COPA: variants seen among roughly 807,000 people sequenced by gnomAD.
COPA encodes coatomer subunit alpha.
COPA carries 10 observed loss-of-function variants against 158.7 expected under a neutral mutation model. The observed-to-expected ratio is 0.06, with a 90% CI of 0.04 to 0.11. The LOEUF (loss-of-function observed/expected upper bound fraction) is 0.11. Ranked by LOEUF, COPA falls within the 10% of genes least tolerant of loss-of-function variation. COPA has a pLI of 1.00. For synonymous variants in COPA, 462 were observed against 542.8 expected (o/e 0.85, Z 2.07); for missense variants, 1,065 against 1,536.7 (o/e 0.69, Z 5.13).
chr1:160,328,869 T>C (rs970098310), intron 6 of COPA, among the ~76,000 whole-genome samples: 1 of 152,136 alleles, frequency 6.6e-6, no homozygotes, highest in East Asian at 1.9e-4. Context: ...TACCAAGAGA[T>C]AGGTTTTCCT....
At chr1:160,323,948 G>GCCTC (rs1380778997) in intron 7 of COPA, among the ~76,000 whole-genome samples, 2 of 152,080 alleles carry the variant, frequency 1.3e-5, no homozygotes, top group Non-Finnish European at 2.9e-5. Context: ...TGCAACCTCT[G>GCCTC]CCTCCCGGGT....
At chr1:160,297,501 A>G in intron 20 of COPA, 55 bp downstream of exon 20, 1 of 1,611,984 alleles carries the variant, frequency 6.2e-7, no homozygotes, top group South Asian at 1.1e-5. Flanking sequence ...TCCTTAATTC[A>G]CCTTCCTCCT....
At position 160,307,307 on chromosome 1, in the gene COPA, G is replaced by A. The variant is rs1571159997; in HGVS notation, c.1220-62C>T. 2.5e-5 allele frequency: 37 copies of A among 1,494,696 alleles called. No homozygotes were observed. The East Asian group carries it at 5.0e-4, about 20-fold the overall frequency. 92.6% of individuals were successfully genotyped at this position (1,494,696 alleles called of 1,614,324 possible). A position where few individuals can be genotyped will look rare whatever the true frequency, so the allele number is the denominator to read the frequency against. ...TGAGTCACTGGCAGGTGACATAGTCGGGTGCCATGGAGCTGCCAGTCTTGC... is the reference window on the plus strand; with the variant it reads ...TGAGTCACTGGCAGGTGACATAGTCAGGTGCCATGGAGCTGCCAGTCTTGC... On this transcript the variant is annotated intron_variant, in intron 13 of 32. Coordinates refer to ENST00000241704, the MANE Select transcript of COPA (RefSeq NM_004371.4).
At chr1:160,296,026 T>C (rs768714250) in intron 22 of COPA, 35 bp downstream of exon 22, 1 of 1,600,520 alleles carries the variant, frequency 6.2e-7, no homozygotes, top group East Asian at 2.2e-5. Context: ...GAGTTAATCC[T>C]GTAATAAGAG....
intron 3 of COPA, among the ~76,000 whole-genome samples, chr1:160,336,057 T>A (rs1017078495): frequency 1.3e-5 from 2 of 151,660 alleles, no homozygotes; most frequent in Non-Finnish European, 2.9e-5. Context: ...TTTTAAAAAG[T>A]ATGACAGGCT....
rs1161674313 is a variant in COPA at position 160,325,560 on chromosome 1, C to A, written c.589G>T (p.Val197Leu). 6.2e-7 allele frequency: 1 copy of A among 1,614,104 alleles called. No homozygotes were observed. Among genetic ancestry groups the A allele is most frequent in the Non-Finnish European group, 8.5e-7 (1 of 1,179,930 alleles). The change falls in exon 7 of 33, where the codon GTG becomes TTG. Residue 197 changes from valine to leucine, a missense_variant. Physicochemically the swap from Val to Leu is conservative, Grantham distance 32. Coordinates refer to ENST00000241704, the MANE Select transcript of COPA (RefSeq NM_004371.4). ...VDLFGTTDAVVKHVLEGHDRG... is the reference protein window; with the variant it reads ...VDLFGTTDAVLKHVLEGHDRG... ...ATAAGTACCTCTAGTACATGCTTCA[C>A]CACTGCATCTGTAGTTCCAAATAGA...
Position 160,290,480 on chromosome 1 carries a change from G to A in COPA, c.3615+12C>T, listed in dbSNP as rs1658190342. ...CAATATCCTAGATATATTTATTGAG[G>A]ACAGTACTTACTGTGGTGACCCTGC... On this transcript the variant is annotated intron_variant, in intron 32 of 32. Coordinates refer to ENST00000241704, the MANE Select transcript of COPA (RefSeq NM_004371.4). 6.2e-7 allele frequency: 1 copy of A among 1,612,984 alleles called. No individual in the cohort carries two copies. Among genetic ancestry groups the A allele is most frequent in the African/African-American group, 1.3e-5 (1 of 74,862 alleles).
chr1:160,316,802 A>C (rs1659157849), intron 8 of COPA, among the ~76,000 whole-genome samples: 2 of 152,264 alleles, frequency 1.3e-5, no homozygotes, highest in East Asian at 3.9e-4. Context: ...AAGCAAGAGC[A>C]AGCGTAGAAA....
chr1:160,329,025 A>T (rs74125591), intron 6 of COPA, among the ~76,000 whole-genome samples: 1 of 152,222 alleles, frequency 6.6e-6, no homozygotes, highest in Non-Finnish European at 1.5e-5. Context: ...TTTCAGAAAT[A>T]TAAGCACTGG....
At chr1:160,303,180 CAG>C (rs1329212035) in intron 17 of COPA, among the ~76,000 whole-genome samples, 3 of 152,064 alleles carry the variant, frequency 2.0e-5, no homozygotes, top group Non-Finnish European at 4.4e-5. Context: ...GCCTGGGCAA[CAG>C]AGTGAGACTC....
intron 11 of COPA, among the ~76,000 whole-genome samples, chr1:160,311,347 A>G (rs1397063480): frequency 1.3e-5 from 2 of 152,016 alleles, no homozygotes; most frequent in East Asian, 3.9e-4. Flanking sequence ...CTGAGGCAGG[A>G]GAATTGCTTG....
chr1:160,291,102 G>C (rs1658215561), intron 31 of COPA, among the ~76,000 whole-genome samples: 1 of 152,190 alleles, frequency 6.6e-6, no homozygotes, highest in African/African-American at 2.4e-5. Flanking sequence ...CTGCAGTGGA[G>C]CTATTCTAGG....
chr1:160,288,620 A>G lies in COPA; in HGVS notation c.*1537T>C, dbSNP rs145674243. On this transcript the variant is annotated 3_prime_UTR_variant, in exon 33 of 33. Coordinates refer to ENST00000241704, the MANE Select transcript of COPA (RefSeq NM_004371.4). ...GATTTTTCAACTATATGCATTTATT[A>G]TTTATTGAAAACATGAATTTAACAC... is the stretch of plus-strand genomic sequence containing the variant. Among the ~76,000 whole-genome samples, 1 of 152,242 alleles carries G rather than the reference A, an allele frequency of 6.6e-6. No homozygotes were observed. The highest frequency in any genetic ancestry group is 1.9e-4 in the East Asian group (1 of 5,190).
chr1:160,313,980 A>G lies in COPA; in HGVS notation c.842+10T>C, dbSNP rs764135571. 1.9e-6 allele frequency: 3 copies of G among 1,604,082 alleles called. No individual in the cohort carries two copies. Among genetic ancestry groups the G allele is most frequent in the Middle Eastern group, 1.7e-4 (1 of 6,018 alleles). On this transcript the variant is annotated intron_variant, in intron 9 of 32. Coordinates refer to ENST00000241704, the MANE Select transcript of COPA (RefSeq NM_004371.4). The stretch of plus-strand genomic sequence containing the variant: ...AGAGAAAGTTCACACAACACTGAGG[A>G]CTACCTTACCGCTTAGACATATCCC...
Position 160,313,152 on chromosome 1 carries a change from A to G in COPA, c.858T>C (p.Thr286=), listed in dbSNP as rs545516258. The G allele has an allele frequency of 1.9e-6, 3 of 1,614,044 alleles. No homozygotes were observed. The African/African-American group carries it at 4.0e-5, about 22-fold the overall frequency. The change falls in exon 10 of 33, where the codon ACT becomes ACC. Residue 286 remains threonine (T), a synonymous_variant. Coordinates refer to ENST00000241704, the MANE Select transcript of COPA (RefSeq NM_004371.4). ...WDMSKRTGVQ[T]FRRDHDRFWV... ...AGAAACGATCATGGTCTCTGCGGAA[A>G]GTCTGAACCCCAGTCCTAGAAAAGG...
rs1245830781 is a variant in COPA, at chr1:160,290,126, T to C, written c.*31A>G. The C allele has an allele frequency of 6.2e-7, 1 of 1,608,892 alleles. No homozygotes were observed. The highest frequency in any genetic ancestry group is 2.2e-5 in the East Asian group (1 of 44,850). On this transcript the variant is annotated 3_prime_UTR_variant, in exon 33 of 33. Transcript: ENST00000241704. ...AGACACATTCTCTGGGGGGAACATA[T>C]GGTGACTGACCCATGCACACAAAGG...
intron 17 of COPA, among the ~76,000 whole-genome samples, chr1:160,304,684 G>A (rs1233512446): frequency 6.6e-6 from 1 of 152,046 alleles, no homozygotes; most frequent in East Asian, 1.9e-4. Flanking sequence ...GTTTCACATT[G>A]CCTAATAAAT....
chr1:160,321,318 A>T (rs1316631181), intron 8 of COPA, among the ~76,000 whole-genome samples: 1 of 152,242 alleles, frequency 6.6e-6, no homozygotes, highest in Non-Finnish European at 1.5e-5. Context: ...CTTTTATTCG[A>T]CAAAACACTA....
intron 8 of COPA, among the ~76,000 whole-genome samples, chr1:160,321,290 G>A (rs1012847038): frequency 1.1e-4 from 16 of 152,154 alleles, no homozygotes; most frequent in Non-Finnish European, 2.1e-4. Context: ...CAGAAGGCAA[G>A]GATGCCCACT....
Sources: gnomAD v4.1 joint callset for allele counts (sites outside exome capture counted in the v4.1 genomes callset) on GRCh38, gnomAD v4.1.1 for gene constraint, MANE v1.5 for transcripts, NCBI Gene and HGNC (gene_info 2026-07-23, HGNC 2026-07-21) for gene names.